The following KCNN2 variants were observed in gnomAD, a reference collection of about 807,000 sequenced individuals.
KCNN2 encodes small conductance calcium-activated potassium channel protein 2.
In KCNN2, 24 loss-of-function variants were observed where a neutral mutation model predicts 55.5. That is an observed-to-expected ratio of 0.43 (90% confidence interval 0.31 to 0.61). The LOEUF is 0.61. KCNN2 is among the 20% of genes least tolerant of loss of function. The probability of loss-of-function intolerance (pLI) is 0.08; values close to 1 mark genes in which losing one functional copy is unlikely to be tolerated. For synonymous variants in KCNN2, 431 were observed against 336.1 expected (o/e 1.28, Z -3.09); for missense variants, 754 against 853.6 (o/e 0.88, Z 1.45).
chr5:114,422,062 CA>C (rs1759486455), intron 3 of KCNN2, among the ~76,000 whole-genome samples: 1 of 152,190 alleles, frequency 6.6e-6, no homozygotes, highest in Non-Finnish European at 1.5e-5. Flanking sequence ...GGTATTCTAC[CA>C]AAACCATTCT....
chr5:114,312,772 T>C (rs1461028287), intron 2 of KCNN2, among the ~76,000 whole-genome samples: 3 of 152,052 alleles, frequency 2.0e-5, no homozygotes, highest in Non-Finnish European at 4.4e-5. Flanking sequence ...CTCCCAGTTT[T>C]CAAGGCAATG....
At chr5:114,118,073 T>C (rs1751745505) in intron 1 of KCNN2, among the ~76,000 whole-genome samples, 1 of 152,144 alleles carries the variant, frequency 6.6e-6, no homozygotes, top group East Asian at 1.9e-4. Context: ...AGAGCTGCCC[T>C]GCAGTAATAG....
intron 2 of KCNN2, among the ~76,000 whole-genome samples, chr5:114,392,525 A>G (rs1580783544): frequency 1.3e-5 from 2 of 152,182 alleles, no homozygotes; most frequent in South Asian, 2.1e-4. Context: ...ATGGTGAGGG[A>G]ATGACAAGCA....
intron 2 of KCNN2, among the ~76,000 whole-genome samples, chr5:114,344,116 C>A (rs1757065598): frequency 6.6e-6 from 1 of 152,118 alleles, no homozygotes; most frequent in Admixed American, 6.5e-5. Flanking sequence ...GAGTTGTTAG[C>A]CAAAATGTGA....
At chr5:114,078,067 C>T (rs1446313494) in intron 1 of KCNN2, among the ~76,000 whole-genome samples, 2 of 152,158 alleles carry the variant, frequency 1.3e-5, no homozygotes, top group African/African-American at 4.8e-5. Context: ...TGTTGCAGAT[C>T]TGAGGAGACT....
intron 2 of KCNN2, among the ~76,000 whole-genome samples, chr5:114,319,545 A>C (rs1756573330): frequency 6.6e-6 from 1 of 152,176 alleles, no homozygotes; most frequent in South Asian, 2.1e-4. Context: ...AAATATATTT[A>C]AAGCTGAGGT....
intron 2 of KCNN2, among the ~76,000 whole-genome samples, chr5:114,295,080 G>A (rs1367940766): frequency 6.6e-6 from 1 of 152,152 alleles, no homozygotes; most frequent in Non-Finnish European, 1.5e-5. Context: ...TCTCAGAGGA[G>A]TACCTGGCCG....
chr5:114,092,153 GGGGT>G (rs1751158305), intron 1 of KCNN2, among the ~76,000 whole-genome samples: 1 of 152,216 alleles, frequency 6.6e-6, no homozygotes. Flanking sequence ...TAATTGAGCG[GGGGT>G]GGGTACAGGC....
chr5:114,353,122 T>G (rs1757240114), intron 2 of KCNN2, among the ~76,000 whole-genome samples: 1 of 151,888 alleles, frequency 6.6e-6, no homozygotes, highest in Non-Finnish European at 1.5e-5. Context: ...ACTGGCATTT[T>G]GTCCTTATAA....
chr5:114,094,218 T>C (rs1751209489), intron 1 of KCNN2, among the ~76,000 whole-genome samples: 2 of 147,872 alleles, frequency 1.4e-5, no homozygotes, highest in African/African-American at 5.0e-5. Context: ...TGTAGCTGTT[T>C]TGTGACACTC....
intron 5 of KCNN2, among the ~76,000 whole-genome samples, chr5:114,485,291 C>T (rs936143263): frequency 1.3e-5 from 2 of 152,094 alleles, no homozygotes; most frequent in Admixed American, 6.6e-5. Context: ...AGAGAGCCTC[C>T]ATCAGGGCCC....
chr5:114,272,489 C>T (rs983112241), intron 2 of KCNN2, among the ~76,000 whole-genome samples: 19 of 151,664 alleles, frequency 1.3e-4, no homozygotes, highest in African/African-American at 4.4e-4. Context: ...ATGTACATAT[C>T]ATATACACAT....
intron 3 of KCNN2, among the ~76,000 whole-genome samples, chr5:114,454,477 ATAT>A (rs1435800928): frequency 6.6e-6 from 1 of 152,166 alleles, no homozygotes; most frequent in Non-Finnish European, 1.5e-5. Flanking sequence ...GGAATTCTTG[ATAT>A]TATTAATACA....
chr5:114,258,748 T>A (rs1282825869), intron 2 of KCNN2, among the ~76,000 whole-genome samples: 2 of 152,198 alleles, frequency 1.3e-5, no homozygotes. Context: ...ATCTCCAGGC[T>A]GCAGTGTAGC....
At chr5:114,427,889 A>G (rs192540261) in intron 3 of KCNN2, among the ~76,000 whole-genome samples, 95 of 152,324 alleles carry the variant, frequency 6.2e-4, no homozygotes, top group Non-Finnish European at 1.1e-3. Flanking sequence ...ATAAATTGGT[A>G]CTATTAATCT....
At chr5:114,126,686 A>G (rs1309220645) in intron 1 of KCNN2, among the ~76,000 whole-genome samples, 1 of 152,174 alleles carries the variant, frequency 6.6e-6, no homozygotes, top group African/African-American at 2.4e-5. Flanking sequence ...ATGCCTTTCC[A>G]ACAAAGCCTT....
chr5:114,198,032 C>T (rs1322609003), intron 1 of KCNN2, among the ~76,000 whole-genome samples: 1 of 151,952 alleles, frequency 6.6e-6, no homozygotes, highest in Non-Finnish European at 1.5e-5. Flanking sequence ...GTGCCGAGCT[C>T]CTTATTTCTT....
At chr5:114,253,232 C>T (rs1274729965) in intron 2 of KCNN2, among the ~76,000 whole-genome samples, 5 of 150,972 alleles carry the variant, frequency 3.3e-5, no homozygotes, top group Admixed American at 2.6e-4. Flanking sequence ...CTAGTGCCTT[C>T]AACCCCTAAA....
At chr5:114,132,261 TG>T (rs1752086016) in intron 1 of KCNN2, among the ~76,000 whole-genome samples, 1 of 152,234 alleles carries the variant, frequency 6.6e-6, no homozygotes, top group African/African-American at 2.4e-5. Context: ...TTTATGGTTT[TG>T]GGTTTTACAT....
Sources: allele counts gnomAD v4.1 joint callset (sites outside exome capture counted in the v4.1 genomes callset), GRCh38; gene constraint gnomAD v4.1.1; transcripts MANE v1.5; gene names NCBI Gene and HGNC (gene_info 2026-07-23, HGNC 2026-07-21).